Variants in PRKCA observed in about 807,000 individuals in gnomAD.
PRKCA encodes the protein protein kinase C alpha type.
Under a neutral mutation model 87.0 loss-of-function variants are expected in PRKCA, and 27 were observed. The ratio of observed to expected loss-of-function variants is 0.31; its 90% CI spans 0.23 to 0.43. The LOEUF (loss-of-function observed/expected upper bound fraction) is 0.43. Among genes scored for constraint, PRKCA ranks in the 20% least tolerant of loss-of-function variants. The probability of loss-of-function intolerance (pLI) is 1.00; values close to 1 mark genes in which losing one functional copy is unlikely to be tolerated. For synonymous variants in PRKCA, 329 were observed against 311.1 expected (o/e 1.06, Z -0.61); for missense variants, 518 against 852.3 (o/e 0.61, Z 4.88).
intron 2 of PRKCA, among the ~76,000 whole-genome samples, chr17:66,375,024 C>T (rs1025329976): frequency 6.6e-6 from 1 of 150,862 alleles, no homozygotes; most frequent in African/African-American, 2.4e-5. Context: ...TGAGACACCG[C>T]ACCCGGCCTT....
intron 2 of PRKCA, among the ~76,000 whole-genome samples, chr17:66,368,737 G>A (rs904337045): frequency 2.0e-5 from 3 of 152,062 alleles, no homozygotes; most frequent in African/African-American, 7.3e-5. Context: ...TATAAAGACA[G>A]AAAAGGTGCT....
intron 13 of PRKCA, among the ~76,000 whole-genome samples, chr17:66,765,878 C>T (rs1974801873): frequency 1.3e-5 from 2 of 152,152 alleles, no homozygotes; most frequent in South Asian, 4.1e-4. Context: ...GAAAGATATG[C>T]TTTATTCCAA....
At chr17:66,376,318 G>T (rs1390980172) in intron 2 of PRKCA, among the ~76,000 whole-genome samples, 1 of 152,194 alleles carries the variant, frequency 6.6e-6, no homozygotes, top group African/African-American at 2.4e-5. Flanking sequence ...TAAAAGAACA[G>T]GTGGTCTGGC....
intron 13 of PRKCA, among the ~76,000 whole-genome samples, chr17:66,772,292 T>C (rs889235603): frequency 6.6e-6 from 1 of 152,192 alleles, no homozygotes; most frequent in African/African-American, 2.4e-5. Flanking sequence ...TTCCTATGTT[T>C]ATATCATTTT....
intron 3 of PRKCA, among the ~76,000 whole-genome samples, chr17:66,518,057 G>GA (rs893576651): frequency 4.3e-4 from 63 of 148,202 alleles, no homozygotes; most frequent in Middle Eastern, 3.5e-3. Context: ...GTAGCTGAGA[G>GA]AAAAAAAAAA....
chr17:66,751,794 AG>A (rs753908053), intron 13 of PRKCA, among the ~76,000 whole-genome samples: 3 of 151,492 alleles, frequency 2.0e-5, no homozygotes, highest in South Asian at 2.1e-4. Context: ...AAGCATGGCT[AG>A]GGGGGGTCTC....
At chr17:66,644,074 G>A (rs1971386188) in intron 4 of PRKCA, among the ~76,000 whole-genome samples, 1 of 152,180 alleles carries the variant, frequency 6.6e-6, no homozygotes, top group Non-Finnish European at 1.5e-5. Context: ...ACATGATGTG[G>A]TTAACACAAG....
intron 5 of PRKCA, among the ~76,000 whole-genome samples, chr17:66,672,864 G>A (rs1391167126): frequency 6.6e-6 from 1 of 152,192 alleles, no homozygotes; most frequent in Non-Finnish European, 1.5e-5. Flanking sequence ...ATATTTCAAT[G>A]TAGATAGATG....
chr17:66,425,697 C>CT lies in PRKCA; in HGVS notation c.206-70496dup, dbSNP rs202057178. ...GATCTTAGAAAAGAATGTGTTGTGT[C>CT]TTTTTTTTGGAAACCCAGCGATTCA... is the stretch of plus-strand genomic sequence containing the variant. On this transcript the variant is annotated intron_variant, in intron 2 of 16. Transcript: ENST00000413366. Among the ~76,000 whole-genome samples, 25 of 152,056 alleles carry CT rather than the reference C, an allele frequency of 1.6e-4. 1 individual carries two copies. In the East Asian group the frequency reaches 3.5e-3, roughly 21 times the overall value.
intron 2 of PRKCA, among the ~76,000 whole-genome samples, chr17:66,445,901 C>T (rs1384938020): frequency 2.0e-5 from 3 of 151,904 alleles, no homozygotes; most frequent in Admixed American, 2.0e-4. Context: ...GCAACCTCTG[C>T]CTCCCAGGCT....
rs16959049 is a variant in PRKCA at position 66,310,113 on chromosome 17, A to G, written c.205+3986A>G. 9.3e-3 allele frequency among the ~76,000 whole-genome samples: 1,418 copies of G among 152,276 alleles called. 26 individuals are homozygous for G. The highest frequency in any genetic ancestry group is 0.033 in the African/African-American group (1,367 of 41,544). On this transcript the variant is annotated intron_variant, in intron 2 of 16. Coordinates refer to ENST00000413366, the MANE Select transcript of PRKCA (RefSeq NM_002737.3). Reference sequence around the variant, plus strand: ...CATGCACTTCTCTAATTACAGTGGTAGAAACAGCCTCTCAAAATGTGACCT... The same window carrying G: ...CATGCACTTCTCTAATTACAGTGGTGGAAACAGCCTCTCAAAATGTGACCT...
chr17:66,332,893 A>G (rs528510045), intron 2 of PRKCA, among the ~76,000 whole-genome samples: 90 of 152,130 alleles, frequency 5.9e-4, no homozygotes, highest in Admixed American at 1.0e-3. Flanking sequence ...GGGTTTCACC[A>G]TGTTAGCCAG....
chr17:66,579,714 G>T (rs1267017218), intron 3 of PRKCA, among the ~76,000 whole-genome samples: 1 of 152,196 alleles, frequency 6.6e-6, no homozygotes, highest in Admixed American at 6.5e-5. Context: ...ACTGAAACCA[G>T]GGAGCTAAGG....
intron 14 of PRKCA, among the ~76,000 whole-genome samples, chr17:66,780,036 G>A (rs1975167336): frequency 6.6e-6 from 1 of 152,324 alleles, no homozygotes; most frequent in Middle Eastern, 3.4e-3. Flanking sequence ...GAGAGCGAGT[G>A]ATTACCTGTC....
chr17:66,314,843 C>A (rs934379445), intron 2 of PRKCA, among the ~76,000 whole-genome samples: 2 of 146,614 alleles, frequency 1.4e-5, no homozygotes, highest in East Asian at 4.1e-4. Flanking sequence ...GATAGAATTT[C>A]TTTCTCTCTC....
In PRKCA at chr17:66,715,269, T is replaced by C. The variant is rs574890027; in HGVS notation, c.919-17419T>C. ...TATTGCCAGTTATAGCTTGGGTGCGTTTTTTGTTACTGTTTTTTATTGACT... is the reference window on the plus strand; with the variant it reads ...TATTGCCAGTTATAGCTTGGGTGCGCTTTTTGTTACTGTTTTTTATTGACT... On this transcript the variant is annotated intron_variant, in intron 8 of 16. Transcript: ENST00000413366. 2.6e-4 allele frequency among the ~76,000 whole-genome samples: 40 copies of C among 152,114 alleles called. 1 individual carries two copies. The South Asian group carries it at 3.3e-3, about 13-fold the overall frequency.
At chr17:66,324,265 G>C (rs1051060711) in intron 2 of PRKCA, among the ~76,000 whole-genome samples, 1 of 151,994 alleles carries the variant, frequency 6.6e-6, no homozygotes, top group African/African-American at 2.4e-5. Context: ...AATATAACTA[G>C]ATAAATATGA....
chr17:66,671,405 ATC>A (rs1287054653), intron 5 of PRKCA, among the ~76,000 whole-genome samples: 4 of 152,094 alleles, frequency 2.6e-5, no homozygotes, highest in African/African-American at 9.6e-5. Flanking sequence ...GTACTGCTTA[ATC>A]TCTCCAAGCC....
At chr17:66,587,306 A>G (rs905476936) in intron 3 of PRKCA, among the ~76,000 whole-genome samples, 6 of 152,212 alleles carry the variant, frequency 3.9e-5, no homozygotes, top group African/African-American at 1.4e-4. Flanking sequence ...GTTACTGTAC[A>G]CTTTTTCAGC....
Sources: gnomAD v4.1 joint callset for allele counts (sites outside exome capture counted in the v4.1 genomes callset) on GRCh38, gnomAD v4.1.1 for gene constraint, MANE v1.5 for transcripts, NCBI Gene and HGNC (gene_info 2026-07-23, HGNC 2026-07-21) for gene names.